Variants in PBX1 observed in about 807,000 individuals in gnomAD.
PBX1 encodes pre-B-cell leukemia transcription factor 1.
Under a neutral mutation model 53.4 loss-of-function variants are expected in PBX1, and 6 were observed. The observed-to-expected ratio is 0.11, with a 90% CI of 0.06 to 0.22. PBX1 has a LOEUF of 0.22. PBX1 is among the 10% of genes least tolerant of loss of function. PBX1 has a pLI of 1.00. For missense variants in PBX1, 251 were observed against 551.4 expected, an observed-to-expected ratio of 0.46 and a Z score of 5.46; for synonymous variants, 204 against 212.3, an observed-to-expected ratio of 0.96 and a Z score of 0.34.
intron 2 of PBX1, among the ~76,000 whole-genome samples, chr1:164,653,922 C>A (rs1337468616): frequency 6.6e-6 from 1 of 152,286 alleles, no homozygotes; most frequent in East Asian, 1.9e-4. Flanking sequence ...ATAGGTGTGA[C>A]AATAGAACAG....
At chr1:164,586,979 C>T (rs113374286) in intron 2 of PBX1, among the ~76,000 whole-genome samples, 1 of 152,168 alleles carries the variant, frequency 6.6e-6, no homozygotes, top group African/African-American at 2.4e-5. Context: ...GTCGACCTCA[C>T]ACCCAATTTC....
chr1:164,711,437 G>A (rs1175089620), intron 2 of PBX1, among the ~76,000 whole-genome samples: 1 of 152,106 alleles, frequency 6.6e-6, no homozygotes, highest in Non-Finnish European at 1.5e-5. Context: ...CTAATTTTTT[G>A]TATTTTTCAT....
chr1:164,719,966 C>A (rs1664312565), intron 2 of PBX1, among the ~76,000 whole-genome samples: 1 of 152,180 alleles, frequency 6.6e-6, no homozygotes, highest in South Asian at 2.1e-4. Context: ...CCCACGCTGA[C>A]CTTTTCGTGA....
chr1:164,599,906 G>C (rs142190477), intron 2 of PBX1, among the ~76,000 whole-genome samples: 83 of 151,810 alleles, frequency 5.5e-4, no homozygotes, highest in African/African-American at 1.9e-3. Context: ...TTTGAAACAA[G>C]CCAACAAAAG....
chr1:164,822,836 A>G (rs911565380), intron 8 of PBX1, among the ~76,000 whole-genome samples: 1 of 152,208 alleles, frequency 6.6e-6, no homozygotes, highest in African/African-American at 2.4e-5. Context: ...TTTCACTTCA[A>G]CATCTGATGG....
At chr1:164,881,953 C>T (rs1367017844) in intron 2 of PBX1, among the ~76,000 whole-genome samples, 1 of 152,170 alleles carries the variant, frequency 6.6e-6, no homozygotes, top group Admixed American at 6.5e-5. Flanking sequence ...ACCCGCTATG[C>T]CCCTCACCAA....
intron 2 of PBX1, among the ~76,000 whole-genome samples, chr1:164,621,972 T>G (rs1657709005): frequency 6.6e-6 from 1 of 152,174 alleles, no homozygotes; most frequent in Non-Finnish European, 1.5e-5. Flanking sequence ...AAATGAACCC[T>G]GGTTGCATAG....
intron 8 of PBX1, among the ~76,000 whole-genome samples, chr1:164,844,227 A>G (rs899885925): frequency 4.6e-5 from 7 of 151,554 alleles, no homozygotes; most frequent in African/African-American, 1.7e-4. Flanking sequence ...TTTATTCCTG[A>G]AACACTTTGT....
intron 2 of PBX1, among the ~76,000 whole-genome samples, chr1:164,581,278 A>T (rs1424031226): frequency 6.8e-6 from 1 of 147,124 alleles, no homozygotes; most frequent in Non-Finnish European, 1.5e-5. Flanking sequence ...CCCAGGCTGT[A>T]GTGCAGTGGC....
chr1:164,673,564 G>A (rs929954216), intron 2 of PBX1, among the ~76,000 whole-genome samples: 7 of 143,902 alleles, frequency 4.9e-5, no homozygotes, highest in Admixed American at 3.6e-4. Flanking sequence ...TCCGCCTCCC[G>A]GCTTCAAGCG....
intron 8 of PBX1, among the ~76,000 whole-genome samples, chr1:164,843,062 C>T (rs1404009438): frequency 1.3e-5 from 2 of 151,990 alleles, no homozygotes; most frequent in Non-Finnish European, 2.9e-5. Flanking sequence ...TGGCAGTAAG[C>T]GAGGTCAGCT....
chr1:164,560,127 C>A (rs1012412727), intron 1 of PBX1, 114 bp downstream of exon 1: 2 of 811,440 alleles, frequency 2.5e-6, no homozygotes, highest in South Asian at 2.5e-5. Flanking sequence ...AATGTTATTT[C>A]TTTTCTCATT....
At chr1:164,821,481 C>T in intron 7 of PBX1, 56 bp from the exon 8 acceptor site, 1 of 1,327,024 alleles carries the variant, frequency 7.5e-7, no homozygotes, top group Non-Finnish European at 1.1e-6. Flanking sequence ...TGATCTGCCT[C>T]CCTTTTCCTA....
chr1:164,802,793 A>G (rs1053171032), intron 4 of PBX1, among the ~76,000 whole-genome samples: 4 of 151,644 alleles, frequency 2.6e-5, no homozygotes, highest in African/African-American at 9.7e-5. Context: ...CATTCATTCA[A>G]CATTTATCAT....
At chr1:164,714,436 A>G (rs888370318) in intron 2 of PBX1, among the ~76,000 whole-genome samples, 1 of 152,212 alleles carries the variant, frequency 6.6e-6, no homozygotes, top group Non-Finnish European at 1.5e-5. Flanking sequence ...AACACTTATT[A>G]CCCTGTGTTA....
chr1:164,588,417 G>GCA (rs1185366802), intron 2 of PBX1, among the ~76,000 whole-genome samples: 1 of 138,136 alleles, frequency 7.2e-6, no homozygotes, highest in Middle Eastern at 3.8e-3. Context: ...ATATGTAAGT[G>GCA]CACACACACA....
chr1:164,791,969 C>T (rs1043419264), intron 2 of PBX1, among the ~76,000 whole-genome samples: 1 of 152,018 alleles, frequency 6.6e-6, no homozygotes, highest in Non-Finnish European at 1.5e-5. Flanking sequence ...GGACTACAGG[C>T]ACGCACCACC....
chr1:164,600,126 T>A (rs1387805127), intron 2 of PBX1, among the ~76,000 whole-genome samples: 1 of 134,270 alleles, frequency 7.4e-6, no homozygotes, highest in Non-Finnish European at 1.6e-5. Context: ...GTGAGTATAA[T>A]TATGGGAAAA....
At chr1:164,815,891 G>A (rs1669858643) in intron 6 of PBX1, 1 of 152,166 alleles carries the variant, frequency 6.6e-6, no homozygotes, top group Non-Finnish European at 1.5e-5. Context: ...AAGAGGTTTG[G>A]TGTTTTTCAG....
Sources: allele counts gnomAD v4.1 joint callset (sites outside exome capture counted in the v4.1 genomes callset), GRCh38; gene constraint gnomAD v4.1.1; transcripts MANE v1.5; gene names NCBI Gene and HGNC (gene_info 2026-07-23, HGNC 2026-07-21).